Variants in ZDHHC13 observed in about 807,000 individuals in gnomAD.
ZDHHC13 encodes the protein zDHHC palmitoyltransferase 13, also known as palmitoyltransferase ZDHHC13.
Under a neutral mutation model 86.0 loss-of-function variants are expected in ZDHHC13, and 85 were observed. The ratio of observed to expected loss-of-function variants is 0.99; its 90% confidence interval spans 0.83 to 1.18. The LOEUF is 1.18. Ranked by LOEUF, ZDHHC13 falls within the 50% of genes most tolerant of loss-of-function variation. The pLI is 0.00. For missense variants in ZDHHC13, 711 were observed against 730.2 expected (o/e 0.97, Z 0.30); for synonymous variants, 263 against 246.4 (o/e 1.07, Z -0.63).
At chr11:19,121,183 G>A (rs541818515) in intron 1 of ZDHHC13, among the ~76,000 whole-genome samples, 36 of 152,282 alleles carry the variant, frequency 2.4e-4, no homozygotes, top group African/African-American at 8.4e-4. Flanking sequence ...AAGGTTCATG[G>A]CAAGTTAGCA....
intron 8 of ZDHHC13, among the ~76,000 whole-genome samples, chr11:19,154,727 C>T (rs1322253904): frequency 1.3e-5 from 2 of 152,198 alleles, no homozygotes; most frequent in African/African-American, 4.8e-5. Context: ...TCCCCCTTCT[C>T]GAAACTCTCT....
intron 1 of ZDHHC13, among the ~76,000 whole-genome samples, chr11:19,137,508 C>T (rs1339491394): frequency 2.0e-5 from 3 of 151,314 alleles, no homozygotes; most frequent in South Asian, 4.2e-4. Flanking sequence ...GACAGATCAA[C>T]GAGACAGAAA....
In ZDHHC13 at chr11:19,117,996, C is replaced by T. The variant is rs1381105832; in HGVS notation, c.27+720C>T. 1 of 152,192 alleles carries T rather than the reference C, an allele frequency of 6.6e-6. No homozygotes were observed. The highest frequency in any genetic ancestry group is 2.4e-5 in the African/African-American group (1 of 41,434). The allele number at this position is 152,192 out of a possible 1,614,324, so 9.4% of individuals were successfully genotyped here. ...TGTGCTTTTTGCTTATGGCCCTTTC[C>T]TAGTGCCTAGAGTACTGACTAGTAT... On this transcript the variant is annotated intron_variant, in intron 1 of 16. Coordinates refer to ENST00000446113, the MANE Select transcript of ZDHHC13 (RefSeq NM_019028.3). The surrounding 1 kb of genome is among the most constrained non-coding windows in gnomAD (Gnocchi z 4.2).
intron 5 of ZDHHC13, among the ~76,000 whole-genome samples, chr11:19,150,105 A>G (rs907534317): frequency 6.6e-6 from 1 of 152,204 alleles, no homozygotes; most frequent in African/African-American, 2.4e-5. Flanking sequence ...AAGAATCTTC[A>G]GAAGCTGAAA....
intron 12 of ZDHHC13, 28 bp from the exon 13 acceptor site, chr11:19,165,024 C>T (rs1416358918): frequency 4.4e-6 from 7 of 1,597,788 alleles, no homozygotes; most frequent in Non-Finnish European, 6.0e-6. Context: ...CTGGTTTTTG[C>T]TTAGGCCTCT....
At chr11:19,127,044 C>T (rs1038204523) in intron 1 of ZDHHC13, among the ~76,000 whole-genome samples, 1 of 152,096 alleles carries the variant, frequency 6.6e-6, no homozygotes, top group African/African-American at 2.4e-5. Context: ...ATACTGCTTT[C>T]CACAATGAAC....
chr11:19,155,706 A>G, intron 8 of ZDHHC13, 90 bp from the exon 9 acceptor site: 1 of 1,369,306 alleles, frequency 7.3e-7, no homozygotes, highest in Non-Finnish European at 9.9e-7. Context: ...TTGTTATTAT[A>G]TACTTTGGAA....
rs928362918 is a variant in ZDHHC13 at position 19,146,212 on chromosome 11, G to A, written c.205G>A (p.Val69Ile). ...AATTTTTGAACGATGTAAAGAGTTG[G>A]TAGAAGCAGGATATGATGTCAGGCA... ...YGIFERCKEL[V>I]EAGYDVRQPD... Residue 69 changes from valine to isoleucine, a missense_variant, in exon 3 of 17, where the codon GTA becomes ATA. Transcript: ENST00000446113. 1.9e-6 allele frequency: 3 copies of A among 1,609,224 alleles called. No individual in the cohort carries two copies. Among genetic ancestry groups the A allele is most frequent in the African/African-American group, 1.3e-5 (1 of 74,758 alleles).
intron 9 of ZDHHC13, among the ~76,000 whole-genome samples, chr11:19,157,946 C>A (rs575403455): frequency 6.6e-6 from 1 of 152,306 alleles, no homozygotes; most frequent in South Asian, 2.1e-4. Flanking sequence ...TAACCTGACA[C>A]CTGTCAGGAG....
intron 3 of ZDHHC13, among the ~76,000 whole-genome samples, chr11:19,146,993 T>C (rs527742191): frequency 1.2e-4 from 19 of 152,262 alleles, no homozygotes; most frequent in Admixed American, 1.2e-3. Context: ...TGTATGAAGC[T>C]CAACTTTGAA....
chr11:19,163,059 A>G (rs186880068), intron 10 of ZDHHC13, among the ~76,000 whole-genome samples: 1 of 152,308 alleles, frequency 6.6e-6, no homozygotes, highest in African/African-American at 2.4e-5. Context: ...GATGTTCCTC[A>G]TAAGTTGCAA....
chr11:19,152,543 C>T lies in ZDHHC13; in HGVS notation c.748-16C>T, dbSNP rs1457607422. On this transcript the variant is annotated splice_polypyrimidine_tract_variant and intron_variant, in intron 7 of 16. Transcript: ENST00000446113. ...TTAAAAATACTTTTAAACTTTTTAC[C>T]CTACTCTTTTTTAAGGGAGAAACAC... 6.3e-7 allele frequency: 1 copy of T among 1,582,652 alleles called. No individual in the cohort carries two copies. The highest frequency in any genetic ancestry group is 8.6e-7 in the Non-Finnish European group (1 of 1,167,714).
chr11:19,170,386 T>G, intron 14 of ZDHHC13, 25 bp from the exon 15 acceptor site: 1 of 1,452,376 alleles, frequency 6.9e-7, no homozygotes, highest in Non-Finnish European at 9.0e-7. Context: ...TTTTTTTTTT[T>G]TTTTTTTTTT....
intron 1 of ZDHHC13, among the ~76,000 whole-genome samples, chr11:19,136,723 G>C (rs201400635): frequency 6.6e-6 from 1 of 151,938 alleles, no homozygotes; most frequent in Non-Finnish European, 1.5e-5. Context: ...CAGATCTCTC[G>C]GCAGAAACTC....
chr11:19,158,919 T>C (rs544283734), intron 9 of ZDHHC13, 21 bp from the exon 10 acceptor site: 18 of 1,457,028 alleles, frequency 1.2e-5, no homozygotes, highest in Non-Finnish European at 1.7e-5. Flanking sequence ...TAATAACTTA[T>C]ATTTATCTTT....
intron 13 of ZDHHC13, 65 bp downstream of exon 13, chr11:19,165,210 A>G: frequency 6.7e-7 from 1 of 1,498,902 alleles, no homozygotes; most frequent in Non-Finnish European, 9.1e-7. Context: ...TGACTCACAG[A>G]AAAAGTGGAA....
At chr11:19,170,662 GT>G in intron 15 of ZDHHC13, 94 bp downstream of exon 15, 3 of 1,214,100 alleles carry the variant, frequency 2.5e-6, no homozygotes, top group Non-Finnish European at 3.4e-6. Context: ...TGCACATTCT[GT>G]TTTTACCTCT....
chr11:19,124,884 T>C (rs748749320), intron 1 of ZDHHC13, among the ~76,000 whole-genome samples: 11 of 152,106 alleles, frequency 7.2e-5, no homozygotes, highest in Non-Finnish European at 1.5e-4. Context: ...TTACCTTTTT[T>C]CTCTCTGATT....
intron 1 of ZDHHC13, among the ~76,000 whole-genome samples, chr11:19,128,075 A>G (rs556177753): frequency 2.3e-4 from 35 of 152,228 alleles, no homozygotes; most frequent in African/African-American, 6.5e-4. Flanking sequence ...GATTCTTCCT[A>G]TCCGGGAGCA....
Sources: allele counts gnomAD v4.1 joint callset (sites outside exome capture counted in the v4.1 genomes callset), GRCh38; gene constraint gnomAD v4.1.1; non-coding constraint Gnocchi (gnomAD v3.1); transcripts MANE v1.5; gene names NCBI Gene and HGNC (gene_info 2026-07-23, HGNC 2026-07-21).